Variants in CNTN4 observed in about 807,000 individuals in gnomAD.
CNTN4 encodes contactin-4.
CNTN4 carries 77 observed loss-of-function variants against 122.5 expected under a neutral mutation model. The observed-to-expected ratio is 0.63, with a 90% CI of 0.52 to 0.76. The LOEUF (loss-of-function observed/expected upper bound fraction) is 0.76, where lower values mean the gene tolerates loss of function less well. Ranked by LOEUF, CNTN4 falls within the 30% of genes least tolerant of loss-of-function variation. CNTN4 has a pLI of 0.00. For synonymous variants in CNTN4, 512 were observed against 447.0 expected (o/e 1.15, Z -1.83); for missense variants, 1,256 against 1,259.1 (o/e 1.00, Z 0.04).
intron 8 of CNTN4, among the ~76,000 whole-genome samples, chr3:2,878,551 C>CTG (rs1256548850): frequency 4.9e-4 from 32 of 64,854 alleles, no homozygotes; most frequent in Non-Finnish European, 8.7e-4. Context: ...AAGAGATGCT[C>CTG]TCTGTGTGTG....
At chr3:2,800,338 G>T (rs1164061801) in intron 6 of CNTN4, among the ~76,000 whole-genome samples, 2 of 151,532 alleles carry the variant, frequency 1.3e-5, no homozygotes, top group Admixed American at 1.3e-4. Flanking sequence ...ATTTTTTTCG[G>T]GTCTAGACTG....
intron 6 of CNTN4, among the ~76,000 whole-genome samples, chr3:2,803,882 T>C (rs1385058526): frequency 6.6e-6 from 1 of 151,964 alleles, no homozygotes; most frequent in Non-Finnish European, 1.5e-5. Flanking sequence ...GAAGAACCGT[T>C]ACCACACAAT....
In CNTN4 at chr3:2,918,462, C is replaced by T. The variant is rs1029331543; in HGVS notation, c.1208-7167C>T. Among the ~76,000 whole-genome samples, 4 of 152,136 alleles carry T rather than the reference C, an allele frequency of 2.6e-5. No individual in the cohort carries two copies. In the South Asian group the frequency reaches 8.3e-4, roughly 32 times the overall value. ...GGGTGCACTTGCCCTGTTACCTTCT[C>T]CTAAGTACATGTTGTGGGAAAAGTA... On this transcript the variant is annotated intron_variant, in intron 12 of 24. Coordinates refer to ENST00000418658, the MANE Select transcript of CNTN4 (RefSeq NM_175607.3).
intron 4 of CNTN4, among the ~76,000 whole-genome samples, chr3:2,628,030 T>C (rs570661845): frequency 6.6e-6 from 1 of 152,304 alleles, no homozygotes; most frequent in Admixed American, 6.5e-5. Flanking sequence ...CTTCGTAGTA[T>C]AATTTGAGAG....
chr3:2,779,275 GT>G (rs1414982422), intron 6 of CNTN4, among the ~76,000 whole-genome samples: 1 of 152,008 alleles, frequency 6.6e-6, no homozygotes. Flanking sequence ...GTTTGTTTTT[GT>G]TGGTTCGTTT....
At chr3:2,282,163 A>G (rs368050001) in intron 2 of CNTN4, among the ~76,000 whole-genome samples, 1 of 152,070 alleles carries the variant, frequency 6.6e-6, no homozygotes, top group African/African-American at 2.4e-5. Flanking sequence ...TTTTCTTGTG[A>G]ATGGGTGTTT....
chr3:2,344,737 T>G (rs2150390639), intron 3 of CNTN4, among the ~76,000 whole-genome samples: 1 of 152,342 alleles, frequency 6.6e-6, no homozygotes, highest in East Asian at 1.9e-4. Context: ...TTTTGTTAGC[T>G]TAGGAAAAAT....
intron 2 of CNTN4, among the ~76,000 whole-genome samples, chr3:2,124,942 G>T (rs115986469): frequency 6.6e-6 from 1 of 152,002 alleles, no homozygotes; most frequent in African/African-American, 2.4e-5. Flanking sequence ...TCCTGCCCCC[G>T]CTCCATGTTT....
intron 4 of CNTN4, among the ~76,000 whole-genome samples, chr3:2,584,930 T>C (rs554015930): frequency 2.0e-5 from 3 of 152,056 alleles, no homozygotes; most frequent in Admixed American, 2.0e-4. Context: ...GATAGATAGA[T>C]AGATAGATAG....
chr3:2,521,343 T>TCGCCCCCCCCCCCCCCCCCCC (rs781282977), intron 3 of CNTN4, among the ~76,000 whole-genome samples: 2 of 128,306 alleles, frequency 1.6e-5, no homozygotes, highest in African/African-American at 6.3e-5. Context: ...CCTCTACCCA[T>TCGCCCCCCCCCCCCCCCCCCC]CCCCCCCACC....
At chr3:2,184,112 C>G (rs2037142384) in intron 2 of CNTN4, among the ~76,000 whole-genome samples, 1 of 152,106 alleles carries the variant, frequency 6.6e-6, no homozygotes, top group Non-Finnish European at 1.5e-5. Flanking sequence ...GCTGGGACCA[C>G]TATCACACAC....
At chr3:3,021,642 T>C (rs1365937049) in intron 14 of CNTN4, among the ~76,000 whole-genome samples, 2 of 152,224 alleles carry the variant, frequency 1.3e-5, no homozygotes, top group Non-Finnish European at 2.9e-5. Flanking sequence ...AATACTATCC[T>C]GATAGGCACC....
chr3:2,273,887 AAGAT>A (rs1409032996), intron 2 of CNTN4, among the ~76,000 whole-genome samples: 1 of 152,194 alleles, frequency 6.6e-6, no homozygotes, highest in Non-Finnish European at 1.5e-5. Flanking sequence ...TGAGGTATCT[AAGAT>A]AGAAGAATTT....
At chr3:2,975,222 C>T (rs1242326742) in intron 13 of CNTN4, among the ~76,000 whole-genome samples, 2 of 151,940 alleles carry the variant, frequency 1.3e-5, no homozygotes, top group African/African-American at 2.4e-5. Flanking sequence ...TTAATTATAA[C>T]CAAAGATCTA....
rs1373602885 is a variant in CNTN4, at chr3:2,565,095, G to A, written c.-88-6321G>A. Among the ~76,000 whole-genome samples the A allele has an allele frequency of 2.0e-5, 3 of 152,214 alleles. No individual in the cohort carries two copies. In the East Asian group the frequency reaches 5.8e-4, roughly 29 times the overall value. ...CTTTAATGTGGTATTATGATATTAT[G>A]ATGGAAACGGTGTCTAAATCAACCA... On this transcript the variant is annotated intron_variant, in intron 3 of 24. Transcript: ENST00000418658.
At chr3:2,575,809 C>CTTTTTTTTTTTTTTTT (rs56303805) in intron 4 of CNTN4, among the ~76,000 whole-genome samples, 7 of 101,240 alleles carry the variant, frequency 6.9e-5, no homozygotes, top group African/African-American at 2.2e-4. Flanking sequence ...TCTTCTTCTT[C>CTTTTTTTTTTTTTTTT]TTTTTTTTTT....
At chr3:2,838,275 A>G (rs1282167628) in intron 7 of CNTN4, among the ~76,000 whole-genome samples, 1 of 152,198 alleles carries the variant, frequency 6.6e-6, no homozygotes, top group Non-Finnish European at 1.5e-5. Flanking sequence ...ACTGGGTAAG[A>G]CTAAAATTAA....
chr3:2,155,219 G>A (rs372593228), intron 2 of CNTN4, among the ~76,000 whole-genome samples: 1 of 152,136 alleles, frequency 6.6e-6, no homozygotes, highest in African/African-American at 2.4e-5. Context: ...CTCTATTCCA[G>A]TGCTTACCTG....
intron 3 of CNTN4, among the ~76,000 whole-genome samples, chr3:2,422,976 G>A (rs1559538797): frequency 1.3e-5 from 2 of 152,214 alleles, no homozygotes; most frequent in Non-Finnish European, 2.9e-5. Flanking sequence ...AACTGAAAAA[G>A]CAGCATTGGC....
Sources: allele counts gnomAD v4.1 joint callset (sites outside exome capture counted in the v4.1 genomes callset), GRCh38; gene constraint gnomAD v4.1.1; transcripts MANE v1.5; gene names NCBI Gene and HGNC (gene_info 2026-07-23, HGNC 2026-07-21).